The following CHD9 variants were observed in gnomAD, a reference collection of about 807,000 sequenced individuals.
The protein encoded by CHD9 is chromodomain helicase DNA binding protein 9, also known as ATP-dependent chromatin remodeler CHD9.
Under a neutral mutation model 316.1 loss-of-function variants are expected in CHD9, and 77 were observed. The ratio of observed to expected loss-of-function variants is 0.24; its 90% CI spans 0.20 to 0.29. The LOEUF (loss-of-function observed/expected upper bound fraction) is 0.29. Among genes scored for constraint, CHD9 ranks in the 10% least tolerant of loss-of-function variants. The probability of loss-of-function intolerance (pLI) is 1.00; values close to 1 mark genes in which losing one functional copy is unlikely to be tolerated. For missense variants in CHD9, 2,763 were observed against 3,438.1 expected (o/e 0.80, Z 4.91); for synonymous variants, 1,129 against 1,158.3 (o/e 0.97, Z 0.51).
intron 22 of CHD9, among the ~76,000 whole-genome samples, chr16:53,270,312 G>C (rs1485155437): frequency 6.6e-6 from 1 of 151,804 alleles, no homozygotes; most frequent in African/African-American, 2.4e-5. Flanking sequence ...AAATAACCCA[G>C]AGGAAATGTT....
At chr16:53,108,229 C>T (rs2037524926) in intron 1 of CHD9, among the ~76,000 whole-genome samples, 1 of 152,134 alleles carries the variant, frequency 6.6e-6, no homozygotes, top group African/African-American at 2.4e-5. Flanking sequence ...AGGCCAAGCA[C>T]AGTGGCTCAT....
chr16:53,172,239 C>T (rs936442093), intron 2 of CHD9, among the ~76,000 whole-genome samples: 1 of 152,114 alleles, frequency 6.6e-6, no homozygotes, highest in African/African-American at 2.4e-5. Flanking sequence ...TGATTTCTGT[C>T]ACTCTATGTC....
chr16:53,167,208 T>A (rs1002301743), intron 2 of CHD9, among the ~76,000 whole-genome samples: 6 of 152,228 alleles, frequency 3.9e-5, no homozygotes, highest in Non-Finnish European at 7.3e-5. Context: ...CTAAATTTTT[T>A]ATCTCTGTGT....
intron 1 of CHD9, among the ~76,000 whole-genome samples, chr16:53,104,772 A>T (rs981874213): frequency 6.6e-6 from 1 of 150,978 alleles, no homozygotes; most frequent in East Asian, 1.9e-4. Flanking sequence ...AGATCGTGCC[A>T]CTGCACTCCA....
At position 53,185,929 on chromosome 16, in the gene CHD9, G is replaced by T. The variant is rs146943569; in HGVS notation, c.1453-23553G>T. On this transcript the variant is annotated intron_variant, in intron 2 of 38. Transcript: ENST00000447540. The stretch of plus-strand genomic sequence containing the variant: ...TTTAGAAGATACATGGAAAGGCTTG[G>T]ATGTCCAGGCAGAAGTGTGCTGCAG... Among the ~76,000 whole-genome samples the T allele has an allele frequency of 2.0e-5, 3 of 152,352 alleles. No homozygotes were observed. The East Asian group carries it at 5.8e-4, about 29-fold the overall frequency.
chr16:53,228,698 A>G (rs1211265947), intron 7 of CHD9, among the ~76,000 whole-genome samples: 2 of 152,168 alleles, frequency 1.3e-5, no homozygotes, highest in Non-Finnish European at 2.9e-5. Context: ...AAACTGTTAT[A>G]GGGAAATAAT....
At chr16:53,171,312 G>T (rs913346093) in intron 2 of CHD9, among the ~76,000 whole-genome samples, 3 of 151,648 alleles carry the variant, frequency 2.0e-5, no homozygotes, top group African/African-American at 7.3e-5. Flanking sequence ...CCAGCTGCTC[G>T]GGAGGCTGAG....
At chr16:53,306,183 A>G (rs966562952) in intron 31 of CHD9, 54 bp from the exon 32 acceptor site, 12 of 1,083,052 alleles carry the variant, frequency 1.1e-5, no homozygotes, top group Admixed American at 6.1e-5. Context: ...ATCCTTATAT[A>G]TAAAACTATT....
chr16:53,217,590 C>A (rs1366736571), intron 3 of CHD9, among the ~76,000 whole-genome samples: 1 of 152,044 alleles, frequency 6.6e-6, no homozygotes, highest in African/African-American at 2.4e-5. Context: ...TGAAGCTTTC[C>A]CCAAACACTT....
chr16:53,218,586 C>T (rs192737713), intron 3 of CHD9, among the ~76,000 whole-genome samples: 328 of 152,260 alleles, frequency 2.2e-3, no homozygotes, highest in South Asian at 6.8e-3. Context: ...GGAACCAGTT[C>T]ATAGTCATTT....
intron 1 of CHD9, among the ~76,000 whole-genome samples, chr16:53,138,378 GA>G (rs1418779901): frequency 6.6e-6 from 1 of 152,194 alleles, no homozygotes; most frequent in Admixed American, 6.5e-5. Flanking sequence ...TGTCAGGTTT[GA>G]TTTAATTTGA....
chr16:53,118,793 C>CTTTTTT (rs565529283), intron 1 of CHD9, among the ~76,000 whole-genome samples: 18 of 127,146 alleles, frequency 1.4e-4, no homozygotes, highest in Non-Finnish European at 2.5e-4. Context: ...AGATAACTTT[C>CTTTTTT]TTTTTTTTTT....
At chr16:53,319,563 A>G (rs549361626) in intron 37 of CHD9, among the ~76,000 whole-genome samples, 17 of 152,234 alleles carry the variant, frequency 1.1e-4, no homozygotes, top group Admixed American at 1.1e-3. Context: ...ATTTTACTTA[A>G]TTTTGTGCTT....
In CHD9 at chr16:53,322,708, G is replaced by T. The variant is rs190125565; in HGVS notation, c.7818+1078G>T. On this transcript the variant is annotated intron_variant, in intron 38 of 38. Transcript: ENST00000447540. Reference sequence around the variant, plus strand: ...AGTAAAGCCTACACGTATGCTAATGGTGAATAATTAATAGATATTATTCTT... The same window carrying T: ...AGTAAAGCCTACACGTATGCTAATGTTGAATAATTAATAGATATTATTCTT... 3.6e-3 allele frequency among the ~76,000 whole-genome samples: 554 copies of T among 152,186 alleles called. 6 individuals carry two copies. The highest frequency in any genetic ancestry group is 0.013 in the African/African-American group (521 of 41,534).
rs553795502 is a variant in CHD9 at position 53,194,707 on chromosome 16, A to G, written c.1453-14775A>G. ...TGTATTTCAGTTTTCTCTTCTTCAC[A>G]TTTTGATTGTGGGTTTTGAAAAATT... On this transcript the variant is annotated intron_variant, in intron 2 of 38. Coordinates refer to ENST00000447540, the MANE Select transcript of CHD9 (RefSeq NM_001308319.2). Among the ~76,000 whole-genome samples, 5 of 152,308 alleles carry G rather than the reference A, an allele frequency of 3.3e-5. No homozygotes were observed. The South Asian group carries it at 8.3e-4, about 25-fold the overall frequency.
chr16:53,178,010 C>T (rs2043202365), intron 2 of CHD9, among the ~76,000 whole-genome samples: 1 of 152,162 alleles, frequency 6.6e-6, no homozygotes, highest in Non-Finnish European at 1.5e-5. Context: ...CACATACTGG[C>T]AGTAAAGTTC....
intron 37 of CHD9, among the ~76,000 whole-genome samples, chr16:53,320,504 A>C (rs2057200783): frequency 6.6e-6 from 1 of 152,218 alleles, no homozygotes. Context: ...CCTGAGCGAC[A>C]GAGTGAGACT....
chr16:53,083,062 C>T (rs2035168448), intron 1 of CHD9, among the ~76,000 whole-genome samples: 1 of 152,154 alleles, frequency 6.6e-6, no homozygotes, highest in African/African-American at 2.4e-5. Flanking sequence ...GGATATTCTA[C>T]AAATAGGCAT....
chr16:53,159,821 G>A (rs1225768509), intron 2 of CHD9, among the ~76,000 whole-genome samples: 1 of 152,084 alleles, frequency 6.6e-6, no homozygotes, highest in East Asian at 1.9e-4. Context: ...TGTTGGCCAG[G>A]CTGATCTCTG....
Sources: allele counts gnomAD v4.1 joint callset (sites outside exome capture counted in the v4.1 genomes callset), GRCh38; gene constraint gnomAD v4.1.1; transcripts MANE v1.5; gene names NCBI Gene and HGNC (gene_info 2026-07-23, HGNC 2026-07-21).